The following PRKCE variants were observed in gnomAD, a reference collection of about 807,000 sequenced individuals.
PRKCE encodes the protein protein kinase C epsilon type.
PRKCE carries 16 observed loss-of-function variants against 85.4 expected under a neutral mutation model. The ratio of observed to expected loss-of-function variants is 0.19; its 90% CI spans 0.13 to 0.28. The LOEUF (loss-of-function observed/expected upper bound fraction) is 0.28. Ranked by LOEUF, PRKCE falls within the 10% of genes least tolerant of loss-of-function variation. The pLI is 1.00. For missense variants in PRKCE, 573 were observed against 975.2 expected (o/e 0.59, Z 5.49); for synonymous variants, 388 against 371.5 (o/e 1.04, Z -0.51).
At chr2:45,927,524 A>T (rs901200972) in intron 2 of PRKCE, among the ~76,000 whole-genome samples, 1 of 152,186 alleles carries the variant, frequency 6.6e-6, no homozygotes, top group Non-Finnish European at 1.5e-5. Flanking sequence ...TCCAAGGGCC[A>T]TAACTGCCTA....
chr2:45,829,908 C>G (rs939068392), intron 1 of PRKCE, among the ~76,000 whole-genome samples: 1 of 151,530 alleles, frequency 6.6e-6, no homozygotes, highest in African/African-American at 2.4e-5. Context: ...CCCGTCTCTA[C>G]TAAAAATACA....
In PRKCE at chr2:45,897,758, G is replaced by C. The variant is rs564778578; in HGVS notation, c.412+54695G>C. Among the ~76,000 whole-genome samples, 4 of 152,258 alleles carry C rather than the reference G, an allele frequency of 2.6e-5. No homozygotes were observed. The South Asian group carries it at 6.2e-4, about 24-fold the overall frequency. ...ACTGAGATGGAGAAAACAGCAATAT[G>C]GTTTATGATTTGAGAGGAAATGTTT... On this transcript the variant is annotated intron_variant, in intron 2 of 14. Coordinates refer to ENST00000306156, the MANE Select transcript of PRKCE (RefSeq NM_005400.3).
intron 2 of PRKCE, among the ~76,000 whole-genome samples, chr2:45,954,737 A>G (rs977096395): frequency 1.3e-5 from 2 of 152,240 alleles, no homozygotes; most frequent in Non-Finnish European, 2.9e-5. Context: ...AAATGCAAGT[A>G]CTTATTGCAT....
chr2:45,830,534 A>C (rs1432570754), intron 1 of PRKCE, among the ~76,000 whole-genome samples: 1 of 152,230 alleles, frequency 6.6e-6, no homozygotes, highest in Non-Finnish European at 1.5e-5. Context: ...CTGGTCCAAC[A>C]TCTGAATAAG....
intron 1 of PRKCE, among the ~76,000 whole-genome samples, chr2:45,660,878 A>G (rs1675605010): frequency 6.6e-6 from 1 of 152,202 alleles, no homozygotes; most frequent in African/African-American, 2.4e-5. Context: ...AACCAGGAGG[A>G]CAGGAACATA....
rs1029520709 is a variant in PRKCE at position 45,774,589 on chromosome 2, T to G, written c.349-68411T>G. Among the ~76,000 whole-genome samples, 2 of 152,176 alleles carry G rather than the reference T, an allele frequency of 1.3e-5. No individual in the cohort carries two copies. The highest frequency in any genetic ancestry group is 4.8e-5 in the African/African-American group (2 of 41,438). ...GGAATCGGGTGGCTTTTGGTGTGAC[T>G]GTACAGAGCAGGCAGCCTGTGGGGT... On this transcript the variant is annotated intron_variant, in intron 1 of 14. Transcript: ENST00000306156. This position sits in a 1 kb window ranked among gnomAD's most constrained non-coding sequence, Gnocchi z 4.3.
At chr2:45,802,125 G>A (rs1426998037) in intron 1 of PRKCE, among the ~76,000 whole-genome samples, 1 of 151,438 alleles carries the variant, frequency 6.6e-6, no homozygotes, top group Non-Finnish European at 1.5e-5. Context: ...TTAGCAGGGT[G>A]TGGGCATGGT....
At chr2:45,999,028 A>G (rs554423114) in intron 6 of PRKCE, among the ~76,000 whole-genome samples, 1 of 152,332 alleles carries the variant, frequency 6.6e-6, no homozygotes, top group South Asian at 2.1e-4. Flanking sequence ...ACACATAAGC[A>G]TACCTAGCAT....
intron 1 of PRKCE, among the ~76,000 whole-genome samples, chr2:45,659,675 A>G (rs1375059862): frequency 6.6e-6 from 1 of 152,124 alleles, no homozygotes; most frequent in Non-Finnish European, 1.5e-5. Context: ...CTCCTGCCTC[A>G]GTCTTTACCC....
At chr2:46,003,819 A>G (rs1349081059) in intron 7 of PRKCE, 1 of 152,384 alleles carries the variant, frequency 6.6e-6, no homozygotes, top group East Asian at 1.9e-4. Context: ...CTTCCCTTAA[A>G]TTGGCAAATG....
chr2:45,798,369 G>C (rs1256251380), intron 1 of PRKCE, among the ~76,000 whole-genome samples: 3 of 152,198 alleles, frequency 2.0e-5, no homozygotes, highest in African/African-American at 4.8e-5. Context: ...GGATTTGGAA[G>C]CCCAAGCTCT....
At chr2:46,077,738 G>T (rs1300692019) in intron 10 of PRKCE, among the ~76,000 whole-genome samples, 3 of 152,094 alleles carry the variant, frequency 2.0e-5, no homozygotes, top group African/African-American at 7.2e-5. Context: ...ACTCAGATGA[G>T]ACTCTTTCAT....
At chr2:45,722,952 T>G (rs1172771714) in intron 1 of PRKCE, among the ~76,000 whole-genome samples, 1 of 151,992 alleles carries the variant, frequency 6.6e-6, no homozygotes, top group Non-Finnish European at 1.5e-5. Flanking sequence ...AATACAAAAA[T>G]TAGCCGGGTG....
At chr2:46,078,908 G>T (rs560694597) in intron 10 of PRKCE, 64 of 152,348 alleles carry the variant, frequency 4.2e-4, no homozygotes, top group African/African-American at 1.5e-3. Context: ...GCCGGGCACG[G>T]TCGCTCACGC....
chr2:45,776,726 C>T (rs1365937809), intron 1 of PRKCE, among the ~76,000 whole-genome samples: 5 of 152,298 alleles, frequency 3.3e-5, no homozygotes, highest in East Asian at 1.9e-4. Context: ...ACTCTGATTC[C>T]GTTTAAAGAA....
At chr2:45,816,830 C>T (rs1161079699) in intron 1 of PRKCE, among the ~76,000 whole-genome samples, 1 of 152,170 alleles carries the variant, frequency 6.6e-6, no homozygotes, top group African/African-American at 2.4e-5. Flanking sequence ...TAGAGGTGAG[C>T]TGGCCCTAGG....
chr2:45,731,617 ATTT>A (rs11329717), intron 1 of PRKCE, among the ~76,000 whole-genome samples: 2,160 of 108,566 alleles, frequency 0.02, 50 homozygotes, highest in African/African-American at 0.071. Flanking sequence ...AATTCCTGGA[ATTT>A]TTTTTTTTTT....
intron 14 of PRKCE, among the ~76,000 whole-genome samples, chr2:46,163,244 C>T (rs561419235): frequency 1.1e-4 from 16 of 152,266 alleles, no homozygotes; most frequent in African/African-American, 3.6e-4. Context: ...GAGGGGCACC[C>T]CACAGAGGGC....
chr2:46,097,271 C>T (rs140662290), intron 11 of PRKCE, among the ~76,000 whole-genome samples: 1 of 152,122 alleles, frequency 6.6e-6, no homozygotes, highest in Non-Finnish European at 1.5e-5. Context: ...GTAATCCCAA[C>T]ACTTTGGGAG....
Sources: gnomAD v4.1 joint callset for allele counts (sites outside exome capture counted in the v4.1 genomes callset) on GRCh38, gnomAD v4.1.1 for gene constraint, Gnocchi (gnomAD v3.1) non-coding constraint, MANE v1.5 for transcripts, NCBI Gene and HGNC (gene_info 2026-07-23, HGNC 2026-07-21) for gene names.